The following USP34 variants were observed in gnomAD, a reference collection of about 807,000 sequenced individuals.
USP34 encodes ubiquitin carboxyl-terminal hydrolase 34.
In USP34, 70 loss-of-function variants were observed where a neutral mutation model predicts 460.3. That is an observed-to-expected ratio of 0.15 (90% CI 0.13 to 0.19). USP34 has a LOEUF of 0.19. Among genes scored for constraint, USP34 ranks in the 10% least tolerant of loss-of-function variants. USP34 has a pLI of 1.00. For missense variants in USP34, 3,985 were observed against 4,236.2 expected (o/e 0.94, Z 1.65); for synonymous variants, 1,647 against 1,405.3 (o/e 1.17, Z -3.85).
chr2:61,349,989 C>A (rs907295635), intron 12 of USP34, among the ~76,000 whole-genome samples: 4 of 151,408 alleles, frequency 2.6e-5, no homozygotes, highest in Non-Finnish European at 4.4e-5. Flanking sequence ...TGTTTGTTTA[C>A]AAAATGAAAT....
intron 1 of USP34, among the ~76,000 whole-genome samples, chr2:61,451,236 A>AAAAAAAAAAAC: frequency 6.7e-6 from 1 of 149,542 alleles, no homozygotes; most frequent in Non-Finnish European, 1.5e-5. Flanking sequence ...AAAAAAAAAA[A>AAAAAAAAAAAC]AAAAAAAAAG....
intron 20 of USP34, among the ~76,000 whole-genome samples, chr2:61,326,777 A>ATTTTT (rs35060068): frequency 2.9e-5 from 3 of 103,034 alleles, no homozygotes; most frequent in South Asian, 3.7e-4. Flanking sequence ...GTCAATGGGC[A>ATTTTT]TTTTTTTTTT....
intron 41 of USP34, 153 bp downstream of exon 41, chr2:61,278,012 G>A (rs754391093): frequency 5.0e-6 from 5 of 995,876 alleles, no homozygotes; most frequent in Non-Finnish European, 7.0e-6. Flanking sequence ...CCAGCCACAT[G>A]GAACTCTGAG....
intron 41 of USP34, among the ~76,000 whole-genome samples, chr2:61,274,861 T>C (rs1160574337): frequency 6.6e-6 from 1 of 152,264 alleles, no homozygotes. Context: ...ACTTTTAGAA[T>C]GTCTTCCTAC....
In USP34 at chr2:61,210,992, T is replaced by G. The variant is rs147850267; in HGVS notation, c.8840+780A>C. ...GTAAACTTTGGGAAAACAATTGTAT[T>G]CAAAATTAATCCAAAATTTAAAAAC... On this transcript the variant is annotated intron_variant, in intron 69 of 79. Transcript: ENST00000398571. 6.4e-3 allele frequency among the ~76,000 whole-genome samples: 978 copies of G among 152,348 alleles called. 7 individuals are homozygous for G. Among genetic ancestry groups the G allele is most frequent in the African/African-American group, 0.022 (935 of 41,588 alleles).
In USP34 at chr2:61,314,608, T is replaced by A. The variant is rs190872867; in HGVS notation, c.3519A>T (p.Thr1173=). ...ACCTTCTCCTAAACGCTTCCAGATGTGTCTTCAGCATAAGGAGTCCTCTTT... is the reference window on the plus strand; with the variant it reads ...ACCTTCTCCTAAACGCTTCCAGATGAGTCTTCAGCATAAGGAGTCCTCTTT... ...VIERGLLMLK[T]HLEAFRRRFA... Residue 1173 remains threonine (T), a synonymous_variant, in exon 25 of 80, where the codon ACA becomes ACT. Coordinates refer to ENST00000398571, the MANE Select transcript of USP34 (RefSeq NM_014709.4). The A allele has an allele frequency of 1.4e-3, 2,104 of 1,545,762 alleles. 2 individuals are homozygous for A. Among genetic ancestry groups the A allele is most frequent in the Middle Eastern group, 4.7e-3 (27 of 5,762 alleles).
chr2:61,444,740 G>A (rs1008235139), intron 1 of USP34, among the ~76,000 whole-genome samples: 5 of 152,056 alleles, frequency 3.3e-5, no homozygotes, highest in Non-Finnish European at 7.4e-5. Flanking sequence ...CAAATCCCCT[G>A]AGCCCTATGC....
rs765307541 is a variant in USP34 at position 61,223,174 on chromosome 2, G to A, written c.7645-10C>T. 3 of 1,613,214 alleles carry A rather than the reference G, an allele frequency of 1.9e-6. No homozygotes were observed. The highest frequency in any genetic ancestry group is 4.5e-5 in the East Asian group (2 of 44,836). On this transcript the variant is annotated splice_polypyrimidine_tract_variant and intron_variant, in intron 63 of 79. Coordinates refer to ENST00000398571, the MANE Select transcript of USP34 (RefSeq NM_014709.4). Reference sequence around the variant, plus strand: ...ACAAGAAGGGAAATCCCTGTCAAAAGCAAAAGTTGTTCATTTAAGAACCGT... The same window carrying A: ...ACAAGAAGGGAAATCCCTGTCAAAAACAAAAGTTGTTCATTTAAGAACCGT...
At chr2:61,445,275 C>T (rs1459663957) in intron 1 of USP34, among the ~76,000 whole-genome samples, 1 of 147,424 alleles carries the variant, frequency 6.8e-6, no homozygotes, top group African/African-American at 2.5e-5. Context: ...GTGGCTCACA[C>T]CTGTAATCCC....
chr2:61,359,923 T>C (rs1692223537), intron 10 of USP34, among the ~76,000 whole-genome samples: 1 of 151,536 alleles, frequency 6.6e-6, no homozygotes, highest in South Asian at 2.1e-4. Flanking sequence ...TAGCTGGGAC[T>C]ACAGGCGCCC....
chr2:61,327,332 T>A (rs1369587016), intron 20 of USP34, among the ~76,000 whole-genome samples: 4 of 152,170 alleles, frequency 2.6e-5, no homozygotes, highest in Non-Finnish European at 5.9e-5. Context: ...AAAATACATA[T>A]GACGAGATGT....
At chr2:61,266,304 A>T in intron 41 of USP34, 137 bp from the exon 42 acceptor site, 1 of 783,476 alleles carries the variant, frequency 1.3e-6, no homozygotes, top group African/African-American at 1.7e-5. Context: ...CATCATCTGA[A>T]AGTCCTCCGT....
chr2:61,194,860 G>A (rs925828559), intron 75 of USP34, among the ~76,000 whole-genome samples: 2 of 152,058 alleles, frequency 1.3e-5, no homozygotes, highest in Admixed American at 1.3e-4. Flanking sequence ...GGCTGACGCA[G>A]GAGAATTGCT....
At chr2:61,211,700 T>C (rs1041485879) in intron 69 of USP34, 72 bp downstream of exon 69, 1 of 1,406,698 alleles carries the variant, frequency 7.1e-7, no homozygotes, top group East Asian at 2.8e-5. Context: ...AAATGATTTA[T>C]CTTTAAACAT....
rs568491796 is a variant in USP34 at position 61,348,174 on chromosome 2, T to G, written c.1981A>C (p.Met661Leu). 7 of 1,614,210 alleles carry G rather than the reference T, an allele frequency of 4.3e-6. No homozygotes were observed. In the East Asian group the frequency reaches 1.6e-4, roughly 36 times the overall value. Residue 661 changes from methionine to leucine, a missense_variant, in exon 15 of 80, where the codon ATG becomes CTG. Coordinates refer to ENST00000398571, the MANE Select transcript of USP34 (RefSeq NM_014709.4). The part of the protein sequence containing the change: ...AGICLGDSQG[M>L]SERNGTSSGT... The stretch of plus-strand genomic sequence containing the variant: ...CTGCTTGTCCCATTTCTTTCTGACA[T>G]GCCTTGGGAGTCCCCCAGGCAAATG...
chr2:61,252,462 G>A (rs1275886267), intron 48 of USP34, among the ~76,000 whole-genome samples: 1 of 152,078 alleles, frequency 6.6e-6, no homozygotes, highest in African/African-American at 2.4e-5. Context: ...ATAACATATT[G>A]CTAGTTCAAG....
In USP34 at chr2:61,283,403, C is replaced by A; in HGVS notation, c.4873+6G>T. ...TTATTAAAAGTTAACTTTGTGGAAC[C>A]CTTACCTTCATGTCTAGACCTGTGA... On this transcript the variant is annotated splice_donor_region_variant and intron_variant, in intron 36 of 79. Transcript: ENST00000398571. 6.2e-7 allele frequency: 1 copy of A among 1,602,890 alleles called. No individual in the cohort carries two copies. The highest frequency in any genetic ancestry group is 1.1e-5 in the South Asian group (1 of 88,450).
At chr2:61,315,851 C>T (rs922984909) in intron 23 of USP34, among the ~76,000 whole-genome samples, 7 of 151,966 alleles carry the variant, frequency 4.6e-5, no homozygotes, top group African/African-American at 1.7e-4. Context: ...AAAAGGTAAA[C>T]TTATTTCATA....
intron 59 of USP34, 59 bp downstream of exon 59, chr2:61,229,468 AAAAAAAACAAAAAAAAAAAAC>A: frequency 9.5e-6 from 6 of 628,578 alleles, no homozygotes; most frequent in South Asian, 3.9e-5. Context: ...AAAAAAAAAA[AAAAAAAACAAAAAAAAAAAAC>A]AAAAACACCA....
Sources: gnomAD v4.1 joint callset for allele counts (sites outside exome capture counted in the v4.1 genomes callset) on GRCh38, gnomAD v4.1.1 for gene constraint, MANE v1.5 for transcripts, NCBI Gene and HGNC (gene_info 2026-07-23, HGNC 2026-07-21) for gene names.